BTBD16: variants seen among roughly 807,000 people sequenced by gnomAD.
BTBD16 encodes the protein BTB domain containing 16, also known as BTB/POZ domain-containing protein 16.
Under a neutral mutation model 67.4 loss-of-function variants are expected in BTBD16, and 66 were observed. The observed-to-expected ratio is 0.98, with a 90% CI of 0.80 to 1.20. BTBD16 has a LOEUF of 1.20. BTBD16 is among the 50% of genes most tolerant of loss of function. BTBD16 has a pLI of 0.00. For synonymous variants in BTBD16, 242 were observed against 236.4 expected, an observed-to-expected ratio of 1.02 and a Z score of -0.22; for missense variants, 634 against 616.0, an observed-to-expected ratio of 1.03 and a Z score of -0.31.
Position 122,276,891 on chromosome 10 carries a change from G to A in BTBD16, c.119G>A (p.Cys40Tyr), listed in dbSNP as rs375412725. The A allele has an allele frequency of 1.4e-5, 23 of 1,614,138 alleles. No individual in the cohort carries two copies. Among genetic ancestry groups the A allele is most frequent in the Non-Finnish European group, 1.7e-5 (20 of 1,180,048 alleles). Reference sequence around the variant, plus strand: ...GACCTGCTCTCACTTTCCCAGATGTGCAAGGCTCTGAGCATAGACTTTGAG... The same window carrying A: ...GACCTGCTCTCACTTTCCCAGATGTACAAGGCTCTGAGCATAGACTTTGAG... Reference protein sequence around the residue: ...SGDLLSLSQMCKALSIDFEEA... With the variant: ...SGDLLSLSQMYKALSIDFEEA... Residue 40 changes from cysteine to tyrosine, a missense_variant, in exon 3 of 16, where the codon TGC becomes TAC. Coordinates refer to ENST00000260723, the MANE Select transcript of BTBD16 (RefSeq NM_144587.5).
At chr10:122,302,591 C>T (rs17103365) in intron 9 of BTBD16, among the ~76,000 whole-genome samples, 44,658 of 152,164 alleles carry the variant, frequency 0.29, 6,809 homozygotes, top group East Asian at 0.42. Context: ...CTCCTTGTTG[C>T]ATCTGTCCCA....
rs748407330 is a variant in BTBD16, at chr10:122,299,177, G to GGA, written c.791+46_791+47dup. The GGA allele has an allele frequency of 7.5e-6, 12 of 1,605,118 alleles. 1 individual carries two copies. In the East Asian group the frequency reaches 2.2e-4, roughly 30 times the overall value. On this transcript the variant is annotated intron_variant, in intron 9 of 15. Coordinates refer to ENST00000260723, the MANE Select transcript of BTBD16 (RefSeq NM_144587.5). ...GGGTGCGGCCCCTGAGAGGGGGATG[G>GGA]GAGAAAGTAGGGGCCAGGCTGGGGA...
At chr10:122,309,357 T>G (rs2096409432) in intron 10 of BTBD16, among the ~76,000 whole-genome samples, 1 of 151,808 alleles carries the variant, frequency 6.6e-6, no homozygotes, top group African/African-American at 2.4e-5. Context: ...TTTTTGTTTT[T>G]TTTTTTGAGA....
intron 3 of BTBD16, among the ~76,000 whole-genome samples, chr10:122,280,089 C>A (rs1443764734): frequency 6.6e-6 from 1 of 152,100 alleles, no homozygotes; most frequent in Non-Finnish European, 1.5e-5. Flanking sequence ...TCTGGGGCAC[C>A]GAGTGTGGGA....
At chr10:122,317,459 A>AAC (rs2096427448) in intron 10 of BTBD16, among the ~76,000 whole-genome samples, 1 of 152,070 alleles carries the variant, frequency 6.6e-6, no homozygotes, top group African/African-American at 2.4e-5. Context: ...CATCCTGGCT[A>AAC]ACACGGTGAA....
chr10:122,289,773 C>A (rs1255296324), intron 5 of BTBD16, 136 bp from the exon 6 acceptor site: 1 of 529,740 alleles, frequency 1.9e-6, no homozygotes, highest in South Asian at 2.9e-5. Context: ...TAATTAATTA[C>A]ATCTATGAAA....
At chr10:122,287,559 A>G in intron 5 of BTBD16, 3 of 828,434 alleles carry the variant, frequency 3.6e-6, no homozygotes, top group Non-Finnish European at 4.4e-6. Flanking sequence ...CGCAAGTTCC[A>G]TGGACCGATC....
At chr10:122,335,518 T>C (rs1044193348) in intron 14 of BTBD16, among the ~76,000 whole-genome samples, 15 of 152,212 alleles carry the variant, frequency 9.9e-5, no homozygotes, top group Non-Finnish European at 5.9e-5. Flanking sequence ...TTGCGAGCTA[T>C]AGGACCTGGG....
rs1331402930 is a variant in BTBD16 at position 122,286,088 on chromosome 10, T to A, written c.242-17T>A. The A allele has an allele frequency of 4.4e-6, 7 of 1,608,860 alleles. No homozygotes were observed. The highest frequency in any genetic ancestry group is 5.9e-6 in the Non-Finnish European group (7 of 1,176,610). On this transcript the variant is annotated splice_polypyrimidine_tract_variant and intron_variant, in intron 4 of 15. Transcript: ENST00000260723. The stretch of plus-strand genomic sequence containing the variant: ...ACGTTACTGATGTGTTTGCTCAGCA[T>A]CATTTTCTGTCCTCAGATGTGATTC...
At chr10:122,290,345 G>C (rs540728925) in intron 6 of BTBD16, among the ~76,000 whole-genome samples, 33 of 152,162 alleles carry the variant, frequency 2.2e-4, no homozygotes, top group African/African-American at 7.0e-4. Flanking sequence ...ATCAGGCCCA[G>C]CCTTGCTCCC....
Position 122,287,572 on chromosome 10 carries a change from G to A in BTBD16, c.385+1324G>A, listed in dbSNP as rs1490009561. ...CTCGCAAGTTCCATGGACCGATCAA[G>A]CCATGGGATTCACGTCTTTCAATAG... On this transcript the variant is annotated intron_variant, in intron 5 of 15. Transcript: ENST00000260723. 3 of 726,346 alleles carry A rather than the reference G, an allele frequency of 4.1e-6. No individual in the cohort carries two copies. In the African/African-American group the frequency reaches 5.8e-5, roughly 14 times the overall value. The allele number at this position is 726,346 out of a possible 1,614,324, so 45.0% of individuals were successfully genotyped here.
At chr10:122,281,152 T>C (rs1472997782) in intron 3 of BTBD16, among the ~76,000 whole-genome samples, 2 of 152,170 alleles carry the variant, frequency 1.3e-5, no homozygotes, top group African/African-American at 2.4e-5. Flanking sequence ...ACATCATTGC[T>C]CTGAGATAAT....
At chr10:122,330,676 T>C (rs2096453698) in intron 11 of BTBD16, among the ~76,000 whole-genome samples, 1 of 152,210 alleles carries the variant, frequency 6.6e-6, no homozygotes. Context: ...GGAGTGAATG[T>C]ATTGGTTCCT....
chr10:122,322,552 G>T (rs181778632), intron 10 of BTBD16, among the ~76,000 whole-genome samples: 1 of 152,254 alleles, frequency 6.6e-6, no homozygotes, highest in Admixed American at 6.5e-5. Flanking sequence ...GGTAGCAAGA[G>T]AATTAATTAT....
intron 10 of BTBD16, among the ~76,000 whole-genome samples, chr10:122,314,891 AG>A (rs2096421104): frequency 6.6e-6 from 1 of 152,080 alleles, no homozygotes; most frequent in Non-Finnish European, 1.5e-5. Flanking sequence ...TATCATGTTG[AG>A]TAGACATGAA....
chr10:122,276,298 G>A (rs978685680), intron 2 of BTBD16, among the ~76,000 whole-genome samples: 1 of 152,092 alleles, frequency 6.6e-6, no homozygotes, highest in African/African-American at 2.4e-5. Context: ...TAGTGGTATT[G>A]GTTGCATAAC....
chr10:122,290,585 T>A (rs2096372177), intron 6 of BTBD16, among the ~76,000 whole-genome samples: 1 of 152,136 alleles, frequency 6.6e-6, no homozygotes, highest in Admixed American at 6.5e-5. Context: ...ATCAGCTAAG[T>A]CCATCTGGCC....
chr10:122,332,847 T>C, intron 13 of BTBD16: 1 of 985,382 alleles, frequency 1.0e-6, no homozygotes, highest in Non-Finnish European at 1.2e-6. Flanking sequence ...TCTTTCTATT[T>C]CCCACAAACA....
Position 122,317,126 on chromosome 10 carries a change from A to C in BTBD16, c.911+9818A>C, listed in dbSNP as rs149430090. On this transcript the variant is annotated intron_variant, in intron 10 of 15. Transcript: ENST00000260723. ...TATAAACGCTGTGTACTTAGGCTACACTCAAATGTTCTTTCTTCAATAACA... is the reference window on the plus strand; with the variant it reads ...TATAAACGCTGTGTACTTAGGCTACCCTCAAATGTTCTTTCTTCAATAACA... 2.3e-3 allele frequency among the ~76,000 whole-genome samples: 344 copies of C among 152,254 alleles called. 1 individual carries two copies. The highest frequency in any genetic ancestry group is 4.0e-3 in the Non-Finnish European group (273 of 68,016).
Sources: allele counts gnomAD v4.1 joint callset (sites outside exome capture counted in the v4.1 genomes callset), GRCh38; gene constraint gnomAD v4.1.1; transcripts MANE v1.5; gene names NCBI Gene and HGNC (gene_info 2026-07-23, HGNC 2026-07-21).